The following RBM27 variants were observed in gnomAD, a reference collection of about 807,000 sequenced individuals.
RBM27 encodes RNA-binding protein 27.
A neutral mutation model predicts 135.3 loss-of-function variants in RBM27; 22 were observed. The ratio of observed to expected loss-of-function variants is 0.16; its 90% CI spans 0.12 to 0.23. RBM27 has a LOEUF of 0.23. Among genes scored for constraint, RBM27 ranks in the 10% least tolerant of loss-of-function variants. The pLI, the probability that RBM27 is intolerant of heterozygous loss-of-function variation, is 1.00. For synonymous variants in RBM27, 481 were observed against 442.4 expected (o/e 1.09, Z -1.10); for missense variants, 1,009 against 1,281.0 (o/e 0.79, Z 3.24).
intron 1 of RBM27, among the ~76,000 whole-genome samples, chr5:146,211,452 G>A (rs1755940001): frequency 9.3e-6 from 1 of 106,976 alleles, no homozygotes; most frequent in African/African-American, 3.0e-5. Flanking sequence ...ACTTTGTCCA[G>A]TATGGTCTTA....
At chr5:146,262,768 T>G (rs1175140361) in intron 13 of RBM27, among the ~76,000 whole-genome samples, 1 of 152,244 alleles carries the variant, frequency 6.6e-6, no homozygotes, top group East Asian at 1.9e-4. Flanking sequence ...ATGGTGATGA[T>G]TAAACATGTT....
At chr5:146,251,064 G>A (rs1053177409) in intron 8 of RBM27, among the ~76,000 whole-genome samples, 29 of 142,290 alleles carry the variant, frequency 2.0e-4, no homozygotes, top group Admixed American at 5.2e-4. Context: ...CGTGAGCCAC[G>A]TGAGCCACCG....
In RBM27 at chr5:146,284,720, A is replaced by G; in HGVS notation, c.3087A>G (p.Glu1029=). Reference sequence around the variant, plus strand: ...TATCCACTGAGACTGAAGAAGAAGAAGTCAAGGAGGAGGTAAATTTAGTGG... The same window carrying G: ...TATCCACTGAGACTGAAGAAGAAGAGGTCAAGGAGGAGGTAAATTTAGTGG... The part of the protein sequence containing the change: ...PSISTETEEE[E]VKEEETETSD... Residue 1029 remains glutamate (E), a synonymous_variant, in exon 20 of 21, where the codon GAA becomes GAG. Transcript: ENST00000265271. 2 of 1,605,946 alleles carry G rather than the reference A, an allele frequency of 1.2e-6. No homozygotes were observed. Among genetic ancestry groups the G allele is most frequent in the Admixed American group, 1.7e-5 (1 of 59,422 alleles).
chr5:146,236,658 C>G (rs1757172376), intron 7 of RBM27, among the ~76,000 whole-genome samples: 1 of 152,058 alleles, frequency 6.6e-6, no homozygotes, highest in Non-Finnish European at 1.5e-5. Flanking sequence ...AAGTCTTTCT[C>G]TGTTGCCCAG....
rs2126821987 is a variant in RBM27, at chr5:146,252,307, A to C, written c.1444+432A>C. On this transcript the variant is annotated intron_variant, in intron 9 of 20. Coordinates refer to ENST00000265271, the MANE Select transcript of RBM27 (RefSeq NM_018989.2). ...CCTTTTGCCCCTTGTATGTGTGCAT[A>C]ATGTAGCGATTCTTAAAAACTCTTT... 2.0e-5 allele frequency among the ~76,000 whole-genome samples: 3 copies of C among 152,300 alleles called. No homozygotes were observed. In the East Asian group the frequency reaches 5.8e-4, roughly 29 times the overall value.
At position 146,261,698 on chromosome 5, in the gene RBM27, A is replaced by C. The variant is rs1409379935; in HGVS notation, c.2082A>C (p.Thr694=). The C allele has an allele frequency of 1.2e-6, 2 of 1,614,166 alleles. No individual in the cohort carries two copies. The highest frequency in any genetic ancestry group is 1.7e-6 in the Non-Finnish European group (2 of 1,180,034). The change falls in exon 13 of 21, where the codon ACA becomes ACC. Residue 694 remains threonine (T), a synonymous_variant. Coordinates refer to ENST00000265271, the MANE Select transcript of RBM27 (RefSeq NM_018989.2). ...SAQLLLQQQQ[T]LSHLSQQHHH... is the part of the protein sequence containing the mutation. ...AGCTGCTCCTGCAACAACAGCAAAC[A>C]CTTAGTCACCTCTCACAGCAGCACC...
intron 2 of RBM27, among the ~76,000 whole-genome samples, chr5:146,221,624 G>T (rs779535035): frequency 1.2e-4 from 19 of 152,068 alleles, no homozygotes; most frequent in Non-Finnish European, 2.6e-4. Flanking sequence ...AGTAGACAGG[G>T]TTTCACCATG....
At chr5:146,225,114 T>C (rs1454762868) in intron 3 of RBM27, among the ~76,000 whole-genome samples, 1 of 152,150 alleles carries the variant, frequency 6.6e-6, no homozygotes, top group Non-Finnish European at 1.5e-5. Flanking sequence ...TTTTTTTATT[T>C]CCTTTTAAAA....
chr5:146,205,753 G>A (rs888110191), intron 1 of RBM27, among the ~76,000 whole-genome samples: 4 of 152,180 alleles, frequency 2.6e-5, no homozygotes, highest in African/African-American at 9.7e-5. Flanking sequence ...GGGCACGGTG[G>A]TTCACGCCTG....
chr5:146,274,703 C>G (rs1042085664), intron 19 of RBM27, among the ~76,000 whole-genome samples: 3 of 151,962 alleles, frequency 2.0e-5, no homozygotes, highest in East Asian at 1.9e-4. Flanking sequence ...GTCCCAGGTA[C>G]TTATATGAAA....
chr5:146,255,981 G>A (rs1187382761), intron 10 of RBM27, among the ~76,000 whole-genome samples: 2 of 151,300 alleles, frequency 1.3e-5, no homozygotes, highest in Admixed American at 1.3e-4. Context: ...TCTGCCTCCT[G>A]AATAGCTGAG....
intron 1 of RBM27, among the ~76,000 whole-genome samples, chr5:146,217,281 T>A (rs1441856548): frequency 6.6e-6 from 1 of 152,044 alleles, no homozygotes; most frequent in Non-Finnish European, 1.5e-5. Context: ...GAATGGATGT[T>A]TAAAGAACCA....
chr5:146,208,350 T>G (rs1172192466), intron 1 of RBM27, among the ~76,000 whole-genome samples: 2 of 152,216 alleles, frequency 1.3e-5, no homozygotes, highest in Non-Finnish European at 2.9e-5. Flanking sequence ...TCTGTTACCT[T>G]CCATTCCCTT....
intron 6 of RBM27, among the ~76,000 whole-genome samples, chr5:146,231,501 C>G (rs1482371590): frequency 6.6e-6 from 1 of 151,740 alleles, no homozygotes; most frequent in Non-Finnish European, 1.5e-5. Flanking sequence ...AAATTTTACC[C>G]TTTTTTAGAT....
In RBM27 at chr5:146,230,662, A is replaced by G. The variant is rs764364580; in HGVS notation, c.595A>G (p.Arg199Gly). 1.9e-6 allele frequency: 3 copies of G among 1,614,012 alleles called. No individual in the cohort carries two copies. Among genetic ancestry groups the G allele is most frequent in the East Asian group, 2.2e-5 (1 of 44,886 alleles). Residue 199 changes from arginine (R) to glycine (G), a missense_variant, in exon 6 of 21, where the codon AGG becomes GGG. Physicochemically the swap from Arg to Gly is moderately radical, Grantham distance 125. Around this residue, in one of 6 missense-constraint regions of RBM27, gnomAD observed 268 missense variants for 326.6 expected, o/e 0.82. Transcript: ENST00000265271. ...TTAATTTTGTCTCCAAGTAGAGCAC[A>G]GGGAAAGATCGAAGTTTAAGAGTGA... ...DRDPNRNVEH[R>G]ERSKFKSERN...
intron 8 of RBM27, among the ~76,000 whole-genome samples, chr5:146,237,680 AT>A (rs1330938550): frequency 6.6e-6 from 1 of 152,128 alleles, no homozygotes; most frequent in Non-Finnish European, 1.5e-5. Flanking sequence ...GAGTAGCAAC[AT>A]TTAGTCTCTC....
rs1758866835 is a variant in RBM27 at position 146,271,584 on chromosome 5, A to G, written c.2898A>G (p.Leu966=). ...GTGGAGGAAGAGGAAGGGGCTCACT[A>G]AATCACATGGTGGTGGACCATCGTC... ...RGRGGRGRGS[L]NHMVVDHRPK... The change falls in exon 19 of 21, where the codon CTA becomes CTG. Residue 966 remains leucine, a synonymous_variant. Transcript: ENST00000265271. 6.2e-7 allele frequency: 1 copy of G among 1,613,600 alleles called. No individual in the cohort carries two copies. Among genetic ancestry groups the G allele is most frequent in the South Asian group, 1.1e-5 (1 of 91,076 alleles).
intron 19 of RBM27, among the ~76,000 whole-genome samples, chr5:146,281,941 A>C (rs1759370370): frequency 1.3e-5 from 2 of 150,028 alleles, no homozygotes; most frequent in Admixed American, 6.6e-5. Context: ...TGTAACATTA[A>C]TTTGCCATTT....
At chr5:146,269,693 T>C (rs1020689003) in intron 17 of RBM27, 109 bp downstream of exon 17, 43 of 580,022 alleles carry the variant, frequency 7.4e-5, no homozygotes, top group Non-Finnish European at 9.2e-5. Context: ...CTAACAGGGA[T>C]ATAGGCAAAC....
Sources: gnomAD v4.1 joint callset for allele counts (sites outside exome capture counted in the v4.1 genomes callset) on GRCh38, gnomAD v4.1.1 for gene constraint, gnomAD v4.1.1 regional missense constraint, MANE v1.5 for transcripts, NCBI Gene and HGNC (gene_info 2026-07-23, HGNC 2026-07-21) for gene names.